Variants in STPG2 observed in about 807,000 individuals in gnomAD.
STPG2 encodes sperm-tail PG-rich repeat-containing protein 2.
A neutral mutation model predicts 54.2 loss-of-function variants in STPG2; 56 were observed. The observed-to-expected ratio is 1.03, with a 90% CI of 0.83 to 1.29. The LOEUF (loss-of-function observed/expected upper bound fraction) is 1.29, where lower values mean the gene tolerates loss of function less well. Ranked by LOEUF, STPG2 falls within the 50% of genes most tolerant of loss-of-function variation. STPG2 has a pLI of 0.00. For synonymous variants in STPG2, 200 were observed against 181.8 expected, an observed-to-expected ratio of 1.10 and a Z score of -0.81; for missense variants, 596 against 544.9, an observed-to-expected ratio of 1.09 and a Z score of -0.93.
chr4:97,639,636 A>G (rs960940011), intron 10 of STPG2, among the ~76,000 whole-genome samples: 3 of 152,156 alleles, frequency 2.0e-5, no homozygotes, highest in Admixed American at 6.6e-5. Flanking sequence ...TGAAAGGAAT[A>G]CAAACATTTA....
intron 5 of STPG2, among the ~76,000 whole-genome samples, chr4:98,016,073 G>A (rs1735936293): frequency 6.6e-6 from 1 of 152,182 alleles, no homozygotes; most frequent in Non-Finnish European, 1.5e-5. Flanking sequence ...GGAAGGCTAG[G>A]GGAGGGATAG....
chr4:97,461,352 A>T (rs778210038), intron 4 of STPG2, among the ~76,000 whole-genome samples: 3 of 152,194 alleles, frequency 2.0e-5, no homozygotes, highest in African/African-American at 7.2e-5. Flanking sequence ...CCCAAAAATC[A>T]TATGTTGAAA....
At chr4:97,874,825 G>A (rs1384383833) in intron 8 of STPG2, among the ~76,000 whole-genome samples, 1 of 151,556 alleles carries the variant, frequency 6.6e-6, no homozygotes, top group Admixed American at 6.6e-5. Context: ...CCCATATGTT[G>A]TGACTAGTGA....
At chr4:97,925,563 TATA>T (rs1732303525) in intron 8 of STPG2, among the ~76,000 whole-genome samples, 1 of 152,174 alleles carries the variant, frequency 6.6e-6, no homozygotes, top group African/African-American at 2.4e-5. Context: ...TGGTTAGTTG[TATA>T]ATAAGATAAC....
chr4:97,627,580 A>G (rs1302395939), intron 10 of STPG2, among the ~76,000 whole-genome samples: 1 of 152,120 alleles, frequency 6.6e-6, no homozygotes, highest in African/African-American at 2.4e-5. Flanking sequence ...TAGTTTTCCT[A>G]TACATACATA....
intron 8 of STPG2, among the ~76,000 whole-genome samples, chr4:97,850,010 T>G (rs1025786876): frequency 1.5e-4 from 22 of 151,668 alleles, no homozygotes; most frequent in Non-Finnish European, 2.9e-4. Context: ...AGCAAAGACT[T>G]GGAACCAACC....
At chr4:97,650,606 T>C (rs1042830443) in intron 10 of STPG2, among the ~76,000 whole-genome samples, 2 of 152,106 alleles carry the variant, frequency 1.3e-5, no homozygotes, top group Non-Finnish European at 2.9e-5. Flanking sequence ...AGATAAAAGA[T>C]TGTGGAGACC....
chr4:98,114,851 C>A lies in STPG2; in HGVS notation c.388-5546G>T, dbSNP rs182810318. The stretch of plus-strand genomic sequence containing the variant: ...AATTGACAAGTACTTAACTCATTAA[C>A]CTCTGCGGTACTCAGGTAGATGTTG... On this transcript the variant is annotated intron_variant, in intron 3 of 10. Coordinates refer to ENST00000295268, the MANE Select transcript of STPG2 (RefSeq NM_174952.3). 3.8e-3 allele frequency among the ~76,000 whole-genome samples: 571 copies of A among 151,518 alleles called. 3 individuals carry two copies. The highest frequency in any genetic ancestry group is 0.013 in the African/African-American group (548 of 41,294).
At chr4:97,779,330 C>G (rs1282710187) in intron 9 of STPG2, among the ~76,000 whole-genome samples, 1 of 151,934 alleles carries the variant, frequency 6.6e-6, no homozygotes, top group Non-Finnish European at 1.5e-5. Context: ...GAAAGGGTAT[C>G]AGTGATTGAA....
intron 5 of STPG2, among the ~76,000 whole-genome samples, chr4:98,064,601 ACATTATATGGCTTTCAGG>A (rs749615658): frequency 2.4e-4 from 36 of 152,226 alleles, no homozygotes; most frequent in Non-Finnish European, 4.7e-4. Flanking sequence ...TAGAGGATAT[ACATTATATGGCTTTCAGG>A]TATTCATAAA....
chr4:98,031,877 A>AG (rs1241467120), intron 5 of STPG2, among the ~76,000 whole-genome samples: 1 of 152,136 alleles, frequency 6.6e-6, no homozygotes, highest in Non-Finnish European at 1.5e-5. Flanking sequence ...TAAGCAAAAA[A>AG]CAAACAATCC....
At chr4:98,035,639 A>T (rs1304633557) in intron 5 of STPG2, among the ~76,000 whole-genome samples, 2 of 152,210 alleles carry the variant, frequency 1.3e-5, no homozygotes, top group Non-Finnish European at 2.9e-5. Context: ...ATAAAGACAC[A>T]TGCACACATA....
intron 8 of STPG2, among the ~76,000 whole-genome samples, chr4:97,903,880 C>A (rs768064396): frequency 6.6e-6 from 1 of 152,196 alleles, no homozygotes; most frequent in African/African-American, 2.4e-5. Flanking sequence ...CCGAATACTG[C>A]GCTTTTCCAA....
chr4:97,764,795 T>C (rs1164454878), intron 9 of STPG2, among the ~76,000 whole-genome samples: 1 of 152,154 alleles, frequency 6.6e-6, no homozygotes, highest in Non-Finnish European at 1.5e-5. Flanking sequence ...TTAATTCATA[T>C]GATGGACAGA....
chr4:97,731,849 G>C (rs1724806326), intron 9 of STPG2, among the ~76,000 whole-genome samples: 1 of 152,192 alleles, frequency 6.6e-6, no homozygotes, highest in South Asian at 2.1e-4. Context: ...CGAACCTGGG[G>C]GTTTGGGACC....
chr4:97,732,488 G>A (rs1724833758), intron 9 of STPG2, among the ~76,000 whole-genome samples: 3 of 152,132 alleles, frequency 2.0e-5, no homozygotes, highest in Admixed American at 6.5e-5. Flanking sequence ...TCAAAGATCA[G>A]TTGGCTATAT....
chr4:97,791,429 C>A (rs1354140852), intron 9 of STPG2, among the ~76,000 whole-genome samples: 1 of 151,970 alleles, frequency 6.6e-6, no homozygotes, highest in Non-Finnish European at 1.5e-5. Context: ...ACTGATGTTA[C>A]AATTTTTTGT....
intron 5 of STPG2, among the ~76,000 whole-genome samples, chr4:98,098,255 A>G (rs1738919696): frequency 6.6e-6 from 1 of 152,202 alleles, no homozygotes; most frequent in South Asian, 2.1e-4. Flanking sequence ...ACACCATGGT[A>G]CTGGCATAAA....
At chr4:97,668,105 CTAAT>C (rs1223185788) in intron 10 of STPG2, among the ~76,000 whole-genome samples, 2 of 152,126 alleles carry the variant, frequency 1.3e-5, no homozygotes, top group Middle Eastern at 6.8e-3. Flanking sequence ...ATTCACGTAA[CTAAT>C]TAAATATATT....
Sources: gnomAD v4.1 joint callset for allele counts (sites outside exome capture counted in the v4.1 genomes callset) on GRCh38, gnomAD v4.1.1 for gene constraint, MANE v1.5 for transcripts, NCBI Gene and HGNC (gene_info 2026-07-23, HGNC 2026-07-21) for gene names.